The following FLG2 variants were observed in gnomAD, a reference collection of about 807,000 sequenced individuals.
FLG2 encodes the protein filaggrin-2.
A neutral mutation model predicts 3.9 loss-of-function variants in FLG2; 7 were observed. The observed-to-expected ratio is 1.79, with a 90% CI of 1.02 to 3.36. The LOEUF (loss-of-function observed/expected upper bound fraction) is 3.36, where lower values mean the gene tolerates loss of function less well. FLG2 is among the 30% of genes most tolerant of loss of function. FLG2 has a pLI of 0.00. For missense variants in FLG2, 2,700 were observed against 2,809.4 expected (o/e 0.96, Z 0.88); for synonymous variants, 1,031 against 1,056.1 (o/e 0.98, Z 0.46).
Position 152,352,505 on chromosome 1 carries a change from A to T in FLG2, c.5281T>A (p.Ser1761Thr). 6.2e-7 allele frequency: 1 copy of T among 1,612,626 alleles called. No individual in the cohort carries two copies. Among genetic ancestry groups the T allele is most frequent in the Non-Finnish European group, 8.5e-7 (1 of 1,179,724 alleles). The change falls in exon 3 of 3, where the codon TCC (serine) becomes ACC (threonine). Residue 1761 changes from serine (S) to threonine (T), a missense_variant. Ser to Thr is a moderately conservative substitution (Grantham distance 58). Coordinates refer to ENST00000388718, the MANE Select transcript of FLG2 (RefSeq NM_001014342.3). The part of the protein sequence containing the change: ...QARSQHGESE[S>T]IVHERHGTIH... ...GTTCCATGTCTCTCATGAACTATGG[A>T]TTCTGACTCTCCATGTTGAGATCTG...
rs140645128 is a variant in FLG2 at position 152,351,317 on chromosome 1, G to T, written c.6469C>A (p.His2157Asn). The T allele has an allele frequency of 1.2e-6, 2 of 1,614,026 alleles. No individual in the cohort carries two copies. Among genetic ancestry groups the T allele is most frequent in the South Asian group, 2.2e-5 (2 of 91,074 alleles). ...IHGQTGDTTRHGQSGHGQSTQ... is the reference protein window; with the variant it reads ...IHGQTGDTTRNGQSGHGQSTQ... ...GACTGTCCATGACCAGACTGGCCAT[G>T]TCTAGTGGTATCTCCTGTCTGTCCA... Residue 2157 changes from histidine (H) to asparagine (N), a missense_variant, in exon 3 of 3, where the codon CAT becomes AAT. His to Asn is a moderately conservative substitution (Grantham distance 68, BLOSUM62 1). Transcript: ENST00000388718.
chr1:152,352,590 A>G lies in FLG2; in HGVS notation c.5196T>C (p.Ser1732=). The G allele has an allele frequency of 1.2e-6, 2 of 1,613,402 alleles. No individual in the cohort carries two copies. The highest frequency in any genetic ancestry group is 2.7e-5 in the African/African-American group (2 of 74,692). Residue 1732 remains serine, a synonymous_variant, in exon 3 of 3, where the codon AGT becomes AGC. Coordinates refer to ENST00000388718, the MANE Select transcript of FLG2 (RefSeq NM_001014342.3). ...GRRGSGHSEY[S]DSEGYSGVSH... ...AGACTCCTGAGTACCCTTCACTGTC[A>G]CTGTACTCACTGTGGCCAGATCCCC...
chr1:152,359,658 C>T (rs1654375252), intron 1 of FLG2, among the ~76,000 whole-genome samples: 2 of 152,088 alleles, frequency 1.3e-5, no homozygotes, highest in Admixed American at 6.6e-5. Context: ...AGCTGGACAG[C>T]CCAGAAAAGA....
chr1:152,351,859 T>G lies in FLG2; in HGVS notation c.5927A>C (p.His1976Pro). Reference protein sequence around the residue: ...GVSHTHSGHTHGQAGSHYPES... With the variant: ...GVSHTHSGHTPGQAGSHYPES... Reference sequence around the variant, plus strand: ...TGGATAGTGAGATCCAGCTTGACCGTGAGTGTGTCCTGAATGTGTGTGTGA... The same window carrying G: ...TGGATAGTGAGATCCAGCTTGACCGGGAGTGTGTCCTGAATGTGTGTGTGA... The change falls in exon 3 of 3, where the codon CAC becomes CCC. Residue 1976 changes from histidine to proline, a missense_variant. His to Pro is a moderately conservative substitution (Grantham distance 77). Coordinates refer to ENST00000388718, the MANE Select transcript of FLG2 (RefSeq NM_001014342.3). 6.2e-7 allele frequency: 1 copy of G among 1,613,164 alleles called. No individual in the cohort carries two copies. The highest frequency in any genetic ancestry group is 1.1e-5 in the South Asian group (1 of 91,010).
chr1:152,350,814 T>C lies in FLG2; in HGVS notation c.6972A>G (p.Arg2324=). ...TACTATGTGACTGAAAATGACTTGC[T>C]CTACTAGATCTGGAACCTGTCTGTG... is the stretch of plus-strand genomic sequence containing the variant. The part of the protein sequence containing the change: ...QSTQTGSRSS[R]ASHFQSHSSE... The change falls in exon 3 of 3, where the codon AGA becomes AGG. Residue 2324 remains arginine, a synonymous_variant. Coordinates refer to ENST00000388718, the MANE Select transcript of FLG2 (RefSeq NM_001014342.3). 6.2e-7 allele frequency: 1 copy of C among 1,614,248 alleles called. No individual in the cohort carries two copies. Among genetic ancestry groups the C allele is most frequent in the Non-Finnish European group, 8.5e-7 (1 of 1,180,042 alleles).
rs1228520025 is a variant in FLG2, at chr1:152,351,578, C to T, written c.6208G>A (p.Gly2070Arg). 25 of 1,610,086 alleles carry T rather than the reference C, an allele frequency of 1.6e-5. No homozygotes were observed. Among genetic ancestry groups the T allele is most frequent in the East Asian group, 9.0e-5 (4 of 44,438 alleles). Residue 2070 changes from glycine (G) to arginine (R), a missense_variant, in exon 3 of 3, where the codon GGA becomes AGA. By Grantham distance (125) the Gly-to-Arg change is moderately radical. Transcript: ENST00000388718. ...ESGSSVHERH[G>R]TTHGQTGDTT... ...TCTCCTGTCTGTCCATGAGTAGTTCCGTGTCTCTCATGAACTGAGGATCCT... is the reference window on the plus strand; with the variant it reads ...TCTCCTGTCTGTCCATGAGTAGTTCTGTGTCTCTCATGAACTGAGGATCCT...
In FLG2 at chr1:152,356,534, G is replaced by T; in HGVS notation, c.1252C>A (p.Gln418Lys). The T allele has an allele frequency of 6.2e-7, 1 of 1,614,192 alleles. No individual in the cohort carries two copies. The part of the protein sequence containing the change: ...SSSNEFSKCD[Q>K]YGSGSSQSTS... Reference sequence around the variant, plus strand: ...GACTGACTTGAACCAGACCCATATTGATCACATTTGGAAAATTCATTTGAA... The same window carrying T: ...GACTGACTTGAACCAGACCCATATTTATCACATTTGGAAAATTCATTTGAA... The change falls in exon 3 of 3, where the codon CAA (glutamine) becomes AAA (lysine). Residue 418 changes from glutamine (Q) to lysine (K), a missense_variant. Physicochemically the swap from Gln to Lys is moderately conservative, Grantham distance 53 (BLOSUM62 1). Transcript: ENST00000388718.
chr1:152,354,422 A>G lies in FLG2; in HGVS notation c.3364T>C (p.Ser1122Pro). The G allele has an allele frequency of 6.2e-7, 1 of 1,614,112 alleles. No homozygotes were observed. Among genetic ancestry groups the G allele is most frequent in the Non-Finnish European group, 8.5e-7 (1 of 1,180,016 alleles). The change falls in exon 3 of 3, where the codon TCA (serine) becomes CCA (proline). Residue 1122 changes from serine (S) to proline (P), a missense_variant. By Grantham distance (74) the Ser-to-Pro change is moderately conservative (BLOSUM62 -1). Coordinates refer to ENST00000388718, the MANE Select transcript of FLG2 (RefSeq NM_001014342.3). ...SSGFGQYGSG[S>P]GQSSGFGQHG... Reference sequence around the variant, plus strand: ...TGTCCAAAGCCAGAAGACTGACCTGAGCCCGATCCATATTGGCCAAAGCCA... The same window carrying G: ...TGTCCAAAGCCAGAAGACTGACCTGGGCCCGATCCATATTGGCCAAAGCCA...
Position 152,355,781 on chromosome 1 carries a change from C to T in FLG2, c.2005G>A (p.Gly669Arg), listed in dbSNP as rs55774259. Residue 669 changes from glycine to arginine, a missense_variant, in exon 3 of 3, where the codon GGA becomes AGA. Physicochemically the swap from Gly to Arg is moderately radical, Grantham distance 125. Coordinates refer to ENST00000388718, the MANE Select transcript of FLG2 (RefSeq NM_001014342.3). The part of the protein sequence containing the change: ...GSGSGQSSGF[G>R]QHVSGSGQSS... ...TGTCCTGAGCCAGAAACATGTTGTC[C>T]AAAGCCAGAGGACTGACCTGAGCCT... 6.2e-7 allele frequency: 1 copy of T among 1,613,374 alleles called. No individual in the cohort carries two copies. Among genetic ancestry groups the T allele is most frequent in the East Asian group, 2.2e-5 (1 of 44,704 alleles).
Position 152,357,321 on chromosome 1 carries a change from A to C in FLG2, c.465T>G (p.His155Gln). The C allele has an allele frequency of 1.2e-6, 2 of 1,614,138 alleles. No individual in the cohort carries two copies. Among genetic ancestry groups the C allele is most frequent in the Non-Finnish European group, 1.7e-6 (2 of 1,180,036 alleles). Residue 155 changes from histidine (H) to glutamine (Q), a missense_variant, in exon 3 of 3, where the codon CAT becomes CAG. By Grantham distance (24) the His-to-Gln change is conservative. Transcript: ENST00000388718. ...TTCCTAGCCTCCTGGAGTTGGACCCATGTCTACATTTCACAGTTCCCCTTG... is the reference window on the plus strand; with the variant it reads ...TTCCTAGCCTCCTGGAGTTGGACCCCTGTCTACATTTCACAGTTCCCCTTG... ...GHSRGTVKCRHGSNSRRLGRQ... is the reference protein window; with the variant it reads ...GHSRGTVKCRQGSNSRRLGRQ...
rs1305198889 is a variant in FLG2 at position 152,356,336 on chromosome 1, A to G, written c.1450T>C (p.Ser484Pro). The change falls in exon 3 of 3, where the codon TCT becomes CCT. Residue 484 changes from serine (S) to proline (P), a missense_variant. Transcript: ENST00000388718. Reference protein sequence around the residue: ...GKTSGFGQHGSGSGQSSGFGQ... With the variant: ...GKTSGFGQHGPGSGQSSGFGQ... ...AAGCCAGAGGACTGACCTGAGCCAGACCCATGTTGTCCAAAGCCAGATGTC... is the reference window on the plus strand; with the variant it reads ...AAGCCAGAGGACTGACCTGAGCCAGGCCCATGTTGTCCAAAGCCAGATGTC... 2.5e-6 allele frequency: 4 copies of G among 1,614,164 alleles called. No homozygotes were observed. The highest frequency in any genetic ancestry group is 2.2e-5 in the East Asian group (1 of 44,878).
intron 2 of FLG2, among the ~76,000 whole-genome samples, chr1:152,358,154 T>G (rs964957808): frequency 6.6e-6 from 1 of 151,984 alleles, no homozygotes; most frequent in African/African-American, 2.4e-5. Flanking sequence ...CCCGAGTAGC[T>G]GGGACTACAG....
Position 152,353,325 on chromosome 1 carries a change from T to A in FLG2, c.4461A>T (p.Thr1487=). The A allele has an allele frequency of 6.2e-7, 1 of 1,612,930 alleles. No homozygotes were observed. The highest frequency in any genetic ancestry group is 1.3e-5 in the African/African-American group (1 of 74,640). The change falls in exon 3 of 3, where the codon ACA becomes ACT. Residue 1487 remains threonine, a synonymous_variant. Transcript: ENST00000388718. ...TTCCAGTTGTACTGGACCCTCTCTG[T>A]GTGGATTTTCCATGATGATAGTGGG... ...RHAHYHHGKS[T]QRGSSTTGRR...
chr1:152,356,418 A>C lies in FLG2; in HGVS notation c.1368T>G (p.His456Gln), dbSNP rs753722672. The C allele has an allele frequency of 7.4e-6, 12 of 1,614,034 alleles. No homozygotes were observed. Among genetic ancestry groups the C allele is most frequent in the South Asian group, 2.2e-5 (2 of 91,084 alleles). Residue 456 changes from histidine to glutamine, a missense_variant, in exon 3 of 3, where the codon CAT becomes CAG. His to Gln is a conservative substitution (Grantham distance 24). Transcript: ENST00000388718. Reference sequence around the variant, plus strand: ...CCAAGGATTGACTTGATGTAGACTCATGCTGGCCACAAGTTTGACCTGAGC... The same window carrying C: ...CCAAGGATTGACTTGATGTAGACTCCTGCTGGCCACAAGTTTGACCTGAGC... ...VCGSGQTCGQ[H>Q]ESTSSQSLGY... is the part of the protein sequence containing the mutation.
chr1:152,358,708 GGAC>G, intron 2 of FLG2, 36 bp downstream of exon 2: 6 of 1,597,416 alleles, frequency 3.8e-6, no homozygotes, highest in Non-Finnish European at 5.1e-6. Flanking sequence ...AGCTTGTACA[GGAC>G]TCCAGCAGCC....
chr1:152,355,565 G>A lies in FLG2; in HGVS notation c.2221C>T (p.Gln741Ter). The change falls in exon 3 of 3, where the codon CAG becomes TAG. Residue 741 changes from glutamine (Q) to a stop codon, truncating the protein, a stop_gained. Transcript: ENST00000388718. LOFTEE classifies it low-confidence loss of function (END_TRUNC). ...CCATGTTGTCCAAAGCCAGAGGACT[G>A]ACCTGAGCCTGATCCATGTTGGCCA... is the stretch of plus-strand genomic sequence containing the variant. ...SFGQHGSGSG[Q>*]SSGFGQHGSG... The A allele has an allele frequency of 6.2e-7, 1 of 1,613,960 alleles. No homozygotes were observed. The highest frequency in any genetic ancestry group is 8.5e-7 in the Non-Finnish European group (1 of 1,180,002).
chr1:152,357,425 C>T lies in FLG2; in HGVS notation c.361G>A (p.Asp121Asn). The change falls in exon 3 of 3, where the codon GAT (aspartate) becomes AAT (asparagine). Residue 121 changes from aspartate to asparagine, a missense_variant. Physicochemically the swap from Asp to Asn is conservative, Grantham distance 23. Transcript: ENST00000388718. ...EESETEEDEE[D>N]TPGHKSGYRH... The stretch of plus-strand genomic sequence containing the variant: ...TAACCTGATTTATGTCCTGGTGTAT[C>T]CTCTTCATCCTCTTCTGTTTCACTT... 1 of 1,614,092 alleles carries T rather than the reference C, an allele frequency of 6.2e-7. No individual in the cohort carries two copies.
Position 152,357,045 on chromosome 1 carries a change from A to T in FLG2, c.741T>A (p.Ser247Arg). Reference sequence around the variant, plus strand: ...ACTGAGTAGAGTTTGATTCATGCCCACTAGTCTCCAATCCACATGACAGAC... The same window carrying T: ...ACTGAGTAGAGTTTGATTCATGCCCTCTAGTCTCCAATCCACATGACAGAC... ...HGGLSCGLET[S>R]GHESNSTQSR... Residue 247 changes from serine (S) to arginine (R), a missense_variant, in exon 3 of 3, where the codon AGT becomes AGA. Transcript: ENST00000388718. The T allele has an allele frequency of 6.2e-7, 1 of 1,614,154 alleles. No homozygotes were observed. Among genetic ancestry groups the T allele is most frequent in the East Asian group, 2.2e-5 (1 of 44,884 alleles).
Position 152,356,549 on chromosome 1 carries a change from A to G in FLG2, c.1237T>C (p.Phe413Leu), listed in dbSNP as rs201704146. 1 of 1,614,116 alleles carries G rather than the reference A, an allele frequency of 6.2e-7. No homozygotes were observed. Among genetic ancestry groups the G allele is most frequent in the Non-Finnish European group, 8.5e-7 (1 of 1,180,052 alleles). ...GACCCATATTGATCACATTTGGAAAATTCATTTGAACTAGAAGAGTTTGAA... is the reference window on the plus strand; with the variant it reads ...GACCCATATTGATCACATTTGGAAAGTTCATTTGAACTAGAAGAGTTTGAA... ...RFSNSSSSNE[F>L]SKCDQYGSGS... The change falls in exon 3 of 3, where the codon TTT (phenylalanine) becomes CTT (leucine). Residue 413 changes from phenylalanine (F) to leucine (L), a missense_variant. Phe to Leu is a conservative substitution (Grantham distance 22). Coordinates refer to ENST00000388718, the MANE Select transcript of FLG2 (RefSeq NM_001014342.3).
Sources: gnomAD v4.1 joint callset for allele counts (sites outside exome capture counted in the v4.1 genomes callset) on GRCh38, gnomAD v4.1.1 for gene constraint, MANE v1.5 for transcripts, NCBI Gene and HGNC (gene_info 2026-07-23, HGNC 2026-07-21) for gene names.